The following TANK variants were observed in gnomAD, a reference collection of about 807,000 sequenced individuals.
TANK encodes TRAF family member associated NFKB activator.
TANK carries 15 observed loss-of-function variants against 43.6 expected under a neutral mutation model. That is an observed-to-expected ratio of 0.34 (90% confidence interval 0.23 to 0.53). The LOEUF (loss-of-function observed/expected upper bound fraction) is 0.53. Ranked by LOEUF, TANK falls within the 20% of genes least tolerant of loss-of-function variation. The pLI is 0.94. For missense variants in TANK, 417 were observed against 498.6 expected (o/e 0.84, Z 1.56); for synonymous variants, 162 against 178.2 (o/e 0.91, Z 0.73).
intron 4 of TANK, chr2:161,212,910 A>G (rs1435229946): frequency 2.0e-6 from 1 of 493,366 alleles, no homozygotes; most frequent in Non-Finnish European, 2.6e-6. Context: ...CATGATTTTG[A>G]TATCTGTAAA....
At chr2:161,201,631 A>AAT (rs1471367627) in intron 2 of TANK, among the ~76,000 whole-genome samples, 1 of 152,188 alleles carries the variant, frequency 6.6e-6, no homozygotes, top group Non-Finnish European at 1.5e-5. Context: ...TTAGCGCAGA[A>AAT]ATATATAGAG....
At chr2:161,163,795 A>G (rs1684550512) in intron 1 of TANK, among the ~76,000 whole-genome samples, 1 of 152,238 alleles carries the variant, frequency 6.6e-6, no homozygotes, top group Non-Finnish European at 1.5e-5. Context: ...TAGTTCAGGT[A>G]TGTGCATGGT....
chr2:161,232,880 C>A, intron 7 of TANK: 1 of 1,543,442 alleles, frequency 6.5e-7, no homozygotes, highest in Non-Finnish European at 8.8e-7. Flanking sequence ...TGAGTTGTCA[C>A]AAGACATGGG....
chr2:161,155,980 A>G, upstream of TANK: 2 of 860,198 alleles, frequency 2.3e-6, no homozygotes, highest in Non-Finnish European at 2.8e-6. Context: ...TTGATAGGGC[A>G]TTTAATATTG....
intron 2 of TANK, among the ~76,000 whole-genome samples, chr2:161,193,003 C>T (rs1324425341): frequency 6.6e-6 from 1 of 152,162 alleles, no homozygotes; most frequent in Non-Finnish European, 1.5e-5. Context: ...TGGATGAATC[C>T]TTACTTTGTG....
chr2:161,177,261 A>G (rs1685209881), intron 1 of TANK, among the ~76,000 whole-genome samples: 1 of 152,176 alleles, frequency 6.6e-6, no homozygotes, highest in Non-Finnish European at 1.5e-5. Context: ...AAGTAATGAC[A>G]TTGTTATCCA....
At chr2:161,181,352 G>A (rs559552966) in intron 2 of TANK, among the ~76,000 whole-genome samples, 5 of 152,242 alleles carry the variant, frequency 3.3e-5, no homozygotes, top group East Asian at 1.9e-4. Flanking sequence ...CCTAGGAGGC[G>A]GAAGTTGCAG....
intron 1 of TANK, chr2:161,162,679 G>A (rs571088977): frequency 5.3e-5 from 8 of 151,996 alleles, no homozygotes; most frequent in Non-Finnish European, 1.0e-4. Context: ...ATTTATCAGG[G>A]AAGTTTCCTT....
intron 1 of TANK, among the ~76,000 whole-genome samples, chr2:161,173,568 A>C (rs1685048130): frequency 6.6e-6 from 1 of 151,882 alleles, no homozygotes; most frequent in Non-Finnish European, 1.5e-5. Context: ...TCTCTAGTGA[A>C]CCATTGGTTG....
chr2:161,163,122 A>T (rs1294693542), intron 1 of TANK: 1 of 152,144 alleles, frequency 6.6e-6, no homozygotes, highest in Non-Finnish European at 1.5e-5. Context: ...AGGTTTTGGT[A>T]TCAAGGTTAT....
At chr2:161,183,513 C>T (rs1477663228) in intron 2 of TANK, among the ~76,000 whole-genome samples, 1 of 152,120 alleles carries the variant, frequency 6.6e-6, no homozygotes, top group Admixed American at 6.6e-5. Context: ...ACAGGAATTC[C>T]TGTTAACTCC....
rs777853517 is a variant in TANK at position 161,235,345 on chromosome 2, A to T, written c.1105A>T (p.Ile369Phe). 2.5e-6 allele frequency: 4 copies of T among 1,589,420 alleles called. No homozygotes were observed. The South Asian group carries it at 4.5e-5, about 18-fold the overall frequency. The change falls in exon 8 of 8, where the codon ATT (isoleucine) becomes TTT (phenylalanine). Residue 369 changes from isoleucine to phenylalanine, a missense_variant. Ile to Phe is a conservative substitution (Grantham distance 21). Coordinates refer to ENST00000392749, the MANE Select transcript of TANK (RefSeq NM_001199135.3). ...TATTTTTGTTTGTTTCCTGCAGCCC[A>T]TTTGGAAGCCCTTTCCTAATCAAGA... ...GKAIRGPQQP[I>F]WKPFPNQDSD... is the part of the protein sequence containing the mutation.
intron 2 of TANK, among the ~76,000 whole-genome samples, chr2:161,194,862 C>G (rs2105327956): frequency 6.6e-6 from 1 of 151,796 alleles, no homozygotes; most frequent in African/African-American, 2.4e-5. Context: ...TTTTTTTTCC[C>G]CCAACAACAT....
intron 1 of TANK, among the ~76,000 whole-genome samples, chr2:161,151,939 T>C (rs1010137803): frequency 6.6e-6 from 1 of 152,122 alleles, no homozygotes; most frequent in Admixed American, 6.5e-5. Flanking sequence ...TCTTTTGTGA[T>C]TTTTAAAAAA....
chr2:161,180,126 TA>T, intron 2 of TANK: 1 of 995,456 alleles, frequency 1.0e-6, no homozygotes, highest in Non-Finnish European at 1.2e-6. Flanking sequence ...TGGTGTTTTT[TA>T]TGTTGTTATT....
At chr2:161,211,876 G>A (rs1235068617) in intron 4 of TANK, 6 of 984,936 alleles carry the variant, frequency 6.1e-6, no homozygotes, top group African/African-American at 1.7e-5. Context: ...GCTTCTCCTG[G>A]TTTTCTTTCT....
At chr2:161,195,056 T>C (rs766833914) in intron 2 of TANK, among the ~76,000 whole-genome samples, 11 of 152,230 alleles carry the variant, frequency 7.2e-5, no homozygotes, top group Non-Finnish European at 1.2e-4. Flanking sequence ...ATGGAAGATA[T>C]TTGTATCCTT....
chr2:161,149,993 C>A (rs767467502), intron 1 of TANK, among the ~76,000 whole-genome samples: 1 of 152,058 alleles, frequency 6.6e-6, no homozygotes. Context: ...TCAAGGCTAG[C>A]CCCATAGAAC....
intron 1 of TANK, among the ~76,000 whole-genome samples, chr2:161,167,189 AATC>A (rs1422233733): frequency 6.6e-6 from 1 of 152,244 alleles, no homozygotes; most frequent in East Asian, 1.9e-4. Context: ...AAGAATGACT[AATC>A]ATCCTGGGGT....
Sources: allele counts gnomAD v4.1 joint callset (sites outside exome capture counted in the v4.1 genomes callset), GRCh38; gene constraint gnomAD v4.1.1; transcripts MANE v1.5; gene names NCBI Gene and HGNC (gene_info 2026-07-23, HGNC 2026-07-21).